Variants in DIS3L2 observed in about 807,000 individuals in gnomAD.
The protein encoded by DIS3L2 is DIS3 like 3'-5' exoribonuclease 2.
DIS3L2 carries 34 observed loss-of-function variants against 97.5 expected under a neutral mutation model. The ratio of observed to expected loss-of-function variants is 0.35; its 90% CI spans 0.27 to 0.46. The LOEUF is 0.46. Ranked by LOEUF, DIS3L2 falls within the 20% of genes least tolerant of loss-of-function variation. DIS3L2 has a pLI of 1.00. For missense variants in DIS3L2, 1,038 were observed against 1,146.0 expected (o/e 0.91, Z 1.36); for synonymous variants, 435 against 445.2 (o/e 0.98, Z 0.29).
At chr2:232,105,889 C>A (rs554551638) in intron 6 of DIS3L2, among the ~76,000 whole-genome samples, 2 of 152,136 alleles carry the variant, frequency 1.3e-5, no homozygotes, top group African/African-American at 4.8e-5. Flanking sequence ...ATGGCTTTTC[C>A]GGCACCTTTT....
Position 231,961,771 on chromosome 2 carries a change from G to A in DIS3L2, c.-94+6G>A, listed in dbSNP as rs950572028. Reference sequence around the variant, plus strand: ...CCGGCCTCCGGGGAGAAACGGTGAGGCCCTCACTCGCCTGCCCCCTGCACC... The same window carrying A: ...CCGGCCTCCGGGGAGAAACGGTGAGACCCTCACTCGCCTGCCCCCTGCACC... On this transcript the variant is annotated splice_donor_region_variant and intron_variant, in intron 1 of 20. Coordinates refer to ENST00000325385, the MANE Select transcript of DIS3L2 (RefSeq NM_152383.5). 4.6e-5 allele frequency: 7 copies of A among 153,160 alleles called. No homozygotes were observed. Among genetic ancestry groups the A allele is most frequent in the African/African-American group, 1.7e-4 (7 of 41,468 alleles). 9.5% of individuals were successfully genotyped at this position (153,160 alleles called of 1,614,324 possible). A position where few individuals can be genotyped will look rare whatever the true frequency, so the allele number is the denominator to read the frequency against.
chr2:232,220,963 G>C (rs3116214), intron 10 of DIS3L2, among the ~76,000 whole-genome samples: 38,915 of 151,408 alleles, frequency 0.26, 5,544 homozygotes, highest in South Asian at 0.44. Flanking sequence ...ATTAGCCGGT[G>C]TGCTGGCACA....
chr2:232,030,185 G>T, intron 5 of DIS3L2, 105 bp downstream of exon 5: 1 of 922,064 alleles, frequency 1.1e-6, no homozygotes, highest in Non-Finnish European at 1.7e-6. Flanking sequence ...GACCCCTTAG[G>T]CGCTGTGATA....
At chr2:232,035,871 T>TGTTAGTC (rs1183658976) in intron 5 of DIS3L2, among the ~76,000 whole-genome samples, 4 of 152,264 alleles carry the variant, frequency 2.6e-5, no homozygotes, top group Admixed American at 6.5e-5. Context: ...AGAGATCCAC[T>TGTTAGTC]GTTAGTCTGA....
chr2:232,011,898 G>A (rs1574809829), intron 1 of DIS3L2, among the ~76,000 whole-genome samples: 1 of 152,118 alleles, frequency 6.6e-6, no homozygotes. Flanking sequence ...CAGTCTGCCC[G>A]CCTTGGCCTC....
chr2:232,104,588 C>T (rs1697303507), intron 6 of DIS3L2, among the ~76,000 whole-genome samples: 1 of 152,168 alleles, frequency 6.6e-6, no homozygotes, highest in South Asian at 2.1e-4. Flanking sequence ...ATTTCTCCCC[C>T]AACCCCTGAT....
intron 1 of DIS3L2, among the ~76,000 whole-genome samples, chr2:231,965,135 C>T (rs948073716): frequency 7.9e-5 from 12 of 152,164 alleles, no homozygotes; most frequent in African/African-American, 2.4e-4. Flanking sequence ...GAGGGCTTTG[C>T]CACTTAGAGT....
intron 6 of DIS3L2, among the ~76,000 whole-genome samples, chr2:232,103,766 G>T (rs889115598): frequency 5.9e-5 from 9 of 152,182 alleles, no homozygotes; most frequent in African/African-American, 2.2e-4. Flanking sequence ...AGCAATTGAA[G>T]AACTCATACT....
rs376422157 is a variant in DIS3L2, at chr2:232,336,647, G to A, written c.*17G>A. The A allele has an allele frequency of 6.7e-7, 1 of 1,500,050 alleles. No homozygotes were observed. Among genetic ancestry groups the A allele is most frequent in the Non-Finnish European group, 9.0e-7 (1 of 1,116,172 alleles). The allele number at this position is 1,500,050 out of a possible 1,614,324, so 92.9% of individuals were successfully genotyped here. On this transcript the variant is annotated 3_prime_UTR_variant, in exon 21 of 21. Coordinates refer to ENST00000325385, the MANE Select transcript of DIS3L2 (RefSeq NM_152383.5). ...ACCAGCTGAGCTCCACCAGCCGCCTGCCCCGCCTGCCCCGCCTGCCTGTCC... is the reference window on the plus strand; with the variant it reads ...ACCAGCTGAGCTCCACCAGCCGCCTACCCCGCCTGCCCCGCCTGCCTGTCC...
intron 13 of DIS3L2, among the ~76,000 whole-genome samples, chr2:232,270,908 C>CTCTCTCTCTCTGTCTTG (rs1553542501): frequency 2.9e-4 from 38 of 130,626 alleles, no homozygotes; most frequent in African/African-American, 1.0e-3. Flanking sequence ...CTCTCTCTCT[C>CTCTCTCTCTCTGTCTTG]TCTCTCTGTC....
intron 9 of DIS3L2, among the ~76,000 whole-genome samples, chr2:232,201,941 T>C (rs1349975241): frequency 6.6e-6 from 1 of 152,210 alleles, no homozygotes; most frequent in Non-Finnish European, 1.5e-5. Context: ...CTTTCAACTT[T>C]CCTGAAAGTT....
rs1694633185 is a variant in DIS3L2 at position 232,292,671 on chromosome 2, A to G, written c.1660-7369A>G. ...GTAGTCTCATGCTCTGGCCGCCTGG[A>G]GCCTGCCCTCCTGTGTGACCTCAGC... is the stretch of plus-strand genomic sequence containing the variant. On this transcript the variant is annotated intron_variant, in intron 13 of 20. Coordinates refer to ENST00000325385, the MANE Select transcript of DIS3L2 (RefSeq NM_152383.5). The surrounding 1 kb of genome is among the most constrained non-coding windows in gnomAD (Gnocchi z 4.4). Among the ~76,000 whole-genome samples the G allele has an allele frequency of 6.6e-6, 1 of 152,182 alleles. No homozygotes were observed. Among genetic ancestry groups the G allele is most frequent in the Non-Finnish European group, 1.5e-5 (1 of 68,022 alleles).
downstream of DIS3L2, among the ~76,000 whole-genome samples, chr2:232,338,062 G>C (rs1696020978): frequency 2.0e-5 from 3 of 151,718 alleles, no homozygotes; most frequent in South Asian, 6.2e-4. Flanking sequence ...AGCGTCTGGG[G>C]GTTTGGTGTT....
At chr2:232,329,785 T>TACCGGGGGCG in intron 14 of DIS3L2, 28 bp from the exon 15 acceptor site, 1 of 967,144 alleles carries the variant, frequency 1.0e-6, no homozygotes, top group Non-Finnish European at 1.5e-6. Flanking sequence ...ACCCCAGCGG[T>TACCGGGGGCG]CCCTCCCATC....
chr2:232,254,485 T>C (rs994918072), intron 12 of DIS3L2, among the ~76,000 whole-genome samples: 3 of 147,872 alleles, frequency 2.0e-5, no homozygotes, highest in African/African-American at 7.3e-5. Flanking sequence ...TTTTGTATTT[T>C]CTAATGTTTT....
In DIS3L2 at chr2:231,966,323, C is replaced by T. The variant is rs186219206; in HGVS notation, c.-94+4558C>T. On this transcript the variant is annotated intron_variant, in intron 1 of 20. Coordinates refer to ENST00000325385, the MANE Select transcript of DIS3L2 (RefSeq NM_152383.5). Reference sequence around the variant, plus strand: ...AGCTGGGACTACAAGCTCACGCCACCACGCCTGGCTAATTTTTTGTATTTT... The same window carrying T: ...AGCTGGGACTACAAGCTCACGCCACTACGCCTGGCTAATTTTTTGTATTTT... Among the ~76,000 whole-genome samples the T allele has an allele frequency of 3.8e-3, 574 of 152,178 alleles. 6 individuals carry two copies. Among genetic ancestry groups the T allele is most frequent in the African/African-American group, 0.013 (558 of 41,522 alleles).
intron 9 of DIS3L2, among the ~76,000 whole-genome samples, chr2:232,186,826 C>T (rs1023045261): frequency 2.0e-5 from 3 of 152,080 alleles, no homozygotes; most frequent in Admixed American, 6.5e-5. Context: ...TAAAGTGGAT[C>T]GTAGACCTGA....
At chr2:232,198,878 T>A (rs954008461) in intron 9 of DIS3L2, 7 of 152,232 alleles carry the variant, frequency 4.6e-5, no homozygotes, top group African/African-American at 1.7e-4. Context: ...TCACATGCTA[T>A]CTTCTCAGTG....
intron 5 of DIS3L2, among the ~76,000 whole-genome samples, chr2:232,046,005 C>A (rs1331690195): frequency 6.6e-6 from 1 of 152,124 alleles, no homozygotes; most frequent in African/African-American, 2.4e-5. Flanking sequence ...ACACTGGCGA[C>A]ACCTGAATTT....
Sources: gnomAD v4.1 joint callset for allele counts (sites outside exome capture counted in the v4.1 genomes callset) on GRCh38, gnomAD v4.1.1 for gene constraint, Gnocchi (gnomAD v3.1) non-coding constraint, MANE v1.5 for transcripts, NCBI Gene and HGNC (gene_info 2026-07-23, HGNC 2026-07-21) for gene names.